The following NSMCE1 variants were observed in gnomAD, a reference collection of about 807,000 sequenced individuals.
The protein encoded by NSMCE1 is NSE1 component of SMC5/6 complex, also known as non-structural maintenance of chromosomes element 1 homolog.
A neutral mutation model predicts 29.6 loss-of-function variants in NSMCE1; 18 were observed. The observed-to-expected ratio is 0.61, with a 90% CI of 0.42 to 0.90. NSMCE1 has a LOEUF of 0.90. Among genes scored for constraint, NSMCE1 ranks in the 40% least tolerant of loss-of-function variants. The pLI is 0.00. For missense variants in NSMCE1, 314 were observed against 343.6 expected, an observed-to-expected ratio of 0.91 and a Z score of 0.68; for synonymous variants, 124 against 133.4, an observed-to-expected ratio of 0.93 and a Z score of 0.49.
At chr16:27,233,675 A>G (rs1056031622) in intron 4 of NSMCE1, among the ~76,000 whole-genome samples, 8 of 152,260 alleles carry the variant, frequency 5.3e-5, no homozygotes, top group African/African-American at 1.9e-4. Context: ...TAGGCCTGAG[A>G]ACCACTCTTA....
intron 2 of NSMCE1, among the ~76,000 whole-genome samples, chr16:27,240,022 T>C (rs931697577): frequency 6.6e-6 from 1 of 152,164 alleles, no homozygotes; most frequent in African/African-American, 2.4e-5. Flanking sequence ...TAAGATGAAA[T>C]CACTAGTATC....
At chr16:27,230,802 G>A (rs558295320) in intron 5 of NSMCE1, 3 of 152,412 alleles carry the variant, frequency 2.0e-5, no homozygotes, top group South Asian at 4.1e-4. Context: ...ACCCTCCCTC[G>A]AGCTCAGAGG....
chr16:27,235,595 G>C (rs1035596734), intron 2 of NSMCE1, among the ~76,000 whole-genome samples: 2 of 152,132 alleles, frequency 1.3e-5, no homozygotes, highest in Non-Finnish European at 2.9e-5. Flanking sequence ...GCCTCCTGAT[G>C]AGAGTCCCAA....
At chr16:27,248,497 G>C (rs539978127) in intron 2 of NSMCE1, among the ~76,000 whole-genome samples, 7 of 131,112 alleles carry the variant, frequency 5.3e-5, no homozygotes, top group Non-Finnish European at 9.3e-5. Flanking sequence ...TGCAACCTCC[G>C]CCTCCCGGGT....
At chr16:27,228,262 T>C (rs1596669207) in intron 5 of NSMCE1, among the ~76,000 whole-genome samples, 2 of 152,240 alleles carry the variant, frequency 1.3e-5, no homozygotes, top group South Asian at 2.1e-4. Context: ...GGTTGGGGCA[T>C]GGACAGCCGC....
intron 1 of NSMCE1, among the ~76,000 whole-genome samples, chr16:27,267,677 A>C (rs574574134): frequency 2.0e-5 from 3 of 151,520 alleles, no homozygotes; most frequent in Non-Finnish European, 4.4e-5. Flanking sequence ...GGAAAACTTG[A>C]CCTGACTTAA....
chr16:27,226,597 T>C (rs747329598), intron 6 of NSMCE1, 123 bp downstream of exon 6: 15 of 649,174 alleles, frequency 2.3e-5, no homozygotes, highest in African/African-American at 7.2e-5. Flanking sequence ...CCAGCTCTTG[T>C]GGGAGGATGC....
At chr16:27,242,949 T>G (rs941102075) in intron 2 of NSMCE1, among the ~76,000 whole-genome samples, 7 of 152,178 alleles carry the variant, frequency 4.6e-5, no homozygotes, top group Admixed American at 1.3e-4. Flanking sequence ...TCCTGATCCC[T>G]GTTGGGTAAG....
intron 2 of NSMCE1, among the ~76,000 whole-genome samples, chr16:27,243,798 G>A (rs1168601833): frequency 3.3e-5 from 5 of 152,140 alleles, no homozygotes; most frequent in Non-Finnish European, 5.9e-5. Context: ...CTACAAGCAC[G>A]AGCCACTACG....
chr16:27,229,681 A>G (rs562510667), intron 5 of NSMCE1, among the ~76,000 whole-genome samples: 1 of 152,246 alleles, frequency 6.6e-6, no homozygotes, highest in South Asian at 2.1e-4. Context: ...GGTTCAAGCG[A>G]TTCTTCTGCC....
rs375705324 is a variant in NSMCE1 at position 27,225,191 on chromosome 16, G to A, written c.767C>T (p.Ser256Leu). The A allele has an allele frequency of 4.7e-5, 75 of 1,607,084 alleles. No individual in the cohort carries two copies. In the African/African-American group the frequency reaches 8.8e-4, roughly 19 times the overall value. ...EKERESGVLK[S>L]NKKSLRSRQH ...CCTGGACCGCAGGGACTTTTTGTTC[G>A]ATTTCAAGACACCAGACTCCCTCTC... Residue 256 changes from serine (S) to leucine (L), a missense_variant, in exon 8 of 8, where the codon TCG becomes TTG. Ser to Leu is a moderately radical substitution (Grantham distance 145). Coordinates refer to ENST00000361439, the MANE Select transcript of NSMCE1 (RefSeq NM_145080.4).
At chr16:27,231,637 TA>T (rs71387778) in intron 5 of NSMCE1, among the ~76,000 whole-genome samples, 290 of 140,600 alleles carry the variant, frequency 2.1e-3, no homozygotes, top group Middle Eastern at 7.2e-3. Context: ...AACTCCATCT[TA>T]AAAAAAAAAA....
intron 2 of NSMCE1, among the ~76,000 whole-genome samples, chr16:27,238,808 C>T (rs973351896): frequency 4.6e-5 from 7 of 152,100 alleles, no homozygotes; most frequent in Admixed American, 2.0e-4. Context: ...TCCTGCCTAT[C>T]CCCAACTGTG....
At chr16:27,238,581 G>A (rs559712508) in intron 2 of NSMCE1, among the ~76,000 whole-genome samples, 123 of 150,930 alleles carry the variant, frequency 8.1e-4, no homozygotes, top group African/African-American at 2.8e-3. Flanking sequence ...TTACATTTGC[G>A]GTTTTGGTGA....
At chr16:27,266,356 C>T (rs1318763326) in intron 1 of NSMCE1, 2 of 152,212 alleles carry the variant, frequency 1.3e-5, no homozygotes, top group Non-Finnish European at 2.9e-5. Flanking sequence ...CAACCATAAG[C>T]TTGTTTATGC....
At chr16:27,254,384 T>G (rs910080737) in intron 2 of NSMCE1, among the ~76,000 whole-genome samples, 1 of 152,194 alleles carries the variant, frequency 6.6e-6, no homozygotes, top group Admixed American at 6.5e-5. Context: ...TACAGGACTT[T>G]CCTAAATTAG....
At chr16:27,235,059 G>T in intron 3 of NSMCE1, 119 bp downstream of exon 3, 2 of 871,096 alleles carry the variant, frequency 2.3e-6, no homozygotes, top group East Asian at 2.5e-5. Flanking sequence ...TATACATTTG[G>T]AGTGACTTCT....
intron 2 of NSMCE1, among the ~76,000 whole-genome samples, chr16:27,244,044 T>C (rs1159861353): frequency 6.6e-6 from 1 of 152,224 alleles, no homozygotes; most frequent in African/African-American, 2.4e-5. Flanking sequence ...GCCCCACTTC[T>C]GGTTAGCTGT....
At position 27,240,885 on chromosome 16, in the gene NSMCE1, CA is replaced by C. The variant is rs529573964; in HGVS notation, c.137-5587del. ...GCCAGGAGTTCAAGACAAGCCTGAG[CA>C]ATGGATCAAGAGCTCATCTCTACAA... On this transcript the variant is annotated intron_variant, in intron 2 of 7. Transcript: ENST00000361439. Among the ~76,000 whole-genome samples, 14 of 152,274 alleles carry C rather than the reference CA, an allele frequency of 9.2e-5. No individual in the cohort carries two copies. The South Asian group carries it at 2.9e-3, about 32-fold the overall frequency.
Sources: allele counts gnomAD v4.1 joint callset (sites outside exome capture counted in the v4.1 genomes callset), GRCh38; gene constraint gnomAD v4.1.1; transcripts MANE v1.5; gene names NCBI Gene and HGNC (gene_info 2026-07-23, HGNC 2026-07-21).